STAT2: variants seen among roughly 807,000 people sequenced by gnomAD.
STAT2 encodes the protein interferon alpha induced transcriptional activator.
In STAT2, 51 loss-of-function variants were observed where a neutral mutation model predicts 122.3. That is an observed-to-expected ratio of 0.42 (90% CI 0.33 to 0.53). The LOEUF (loss-of-function observed/expected upper bound fraction) is 0.53, where lower values mean the gene tolerates loss of function less well. Ranked by LOEUF, STAT2 falls within the 20% of genes least tolerant of loss-of-function variation. The pLI is 0.10. For missense variants in STAT2, 736 were observed against 1,010.3 expected, an observed-to-expected ratio of 0.73 and a Z score of 3.68; for synonymous variants, 351 against 394.9, an observed-to-expected ratio of 0.89 and a Z score of 1.32.
chr12:56,354,364 G>T, intron 8 of STAT2, 102 bp downstream of exon 8: 1 of 1,550,462 alleles, frequency 6.4e-7, no homozygotes, highest in Non-Finnish European at 8.8e-7. Flanking sequence ...ATTCTGGGGA[G>T]CAGAGACAAA....
intron 8 of STAT2, among the ~76,000 whole-genome samples, 198 bp from the exon 9 acceptor site, chr12:56,351,648 A>C (rs1422473766): frequency 6.6e-6 from 1 of 152,202 alleles, no homozygotes; most frequent in Non-Finnish European, 1.5e-5. Context: ...ATTTTCACAT[A>C]TAAAACTGCT....
At chr12:56,349,084 C>A (rs1026619926) in intron 16 of STAT2, 25 bp from the exon 17 acceptor site, 1 of 1,613,508 alleles carries the variant, frequency 6.2e-7, no homozygotes, top group African/African-American at 1.3e-5. Flanking sequence ...GCAGTGTAGG[C>A]TGGCTCAGAA....
intron 13 of STAT2, 141 bp downstream of exon 13, chr12:56,349,956 G>A (rs1878183561): frequency 1.3e-6 from 1 of 757,652 alleles, no homozygotes; most frequent in African/African-American, 1.8e-5. Context: ...GGCTGAGACA[G>A]AAGAATTGCT....
intron 11 of STAT2, 69 bp downstream of exon 11, chr12:56,350,760 G>A: frequency 4.5e-6 from 7 of 1,544,090 alleles, no homozygotes; most frequent in Non-Finnish European, 6.3e-6. Context: ...GGGCCCTGTT[G>A]TGAAGAGTGA....
chr12:56,355,375 T>A (rs1879344407), intron 5 of STAT2, 24 bp from the exon 6 acceptor site: 1 of 1,614,048 alleles, frequency 6.2e-7, no homozygotes, highest in Non-Finnish European at 8.5e-7. Context: ...AGGACCCCGA[T>A]GAGGCTGCTT....
chr12:56,349,110 A>C, intron 16 of STAT2, 51 bp from the exon 17 acceptor site: 1 of 1,613,794 alleles, frequency 6.2e-7, no homozygotes, highest in Non-Finnish European at 8.5e-7. Flanking sequence ...CTATCACACC[A>C]AGCTTCCACA....
At chr12:56,344,682 C>T (rs889760444) in intron 22 of STAT2, among the ~76,000 whole-genome samples, 1 of 151,978 alleles carries the variant, frequency 6.6e-6, no homozygotes, top group Admixed American at 6.6e-5. Context: ...ACCAGCCTGG[C>T]CAACATGGTG....
In STAT2 at chr12:56,349,651, G is replaced by C. The variant is rs368976667; in HGVS notation, c.1210-15C>G. On this transcript the variant is annotated splice_polypyrimidine_tract_variant and intron_variant, in intron 13 of 23. Coordinates refer to ENST00000314128, the MANE Select transcript of STAT2 (RefSeq NM_005419.4). ...TCCACCAGAGTCTGTGAATTGAAGGGAAGGAGAGAAAATGCCAGAGTGGGC... is the reference window on the plus strand; with the variant it reads ...TCCACCAGAGTCTGTGAATTGAAGGCAAGGAGAGAAAATGCCAGAGTGGGC... 1.2e-6 allele frequency: 2 copies of C among 1,614,062 alleles called. No individual in the cohort carries two copies. Among genetic ancestry groups the C allele is most frequent in the African/African-American group, 1.3e-5 (1 of 74,924 alleles).
intron 21 of STAT2, 63 bp downstream of exon 21, chr12:56,346,379 G>A (rs1284626779): frequency 1.3e-6 from 2 of 1,595,960 alleles, no homozygotes; most frequent in South Asian, 1.1e-5. Flanking sequence ...AGGAAGGAGT[G>A]GGATCTATGG....
rs1876607579 is a variant in STAT2, at chr12:56,341,611, C to G, written c.*1778G>C. Reference sequence around the variant, plus strand: ...GAGATGAGACATTTCCAGATCAGCACAAAGTTTATTAGCCATTTCTGCTCA... The same window carrying G: ...GAGATGAGACATTTCCAGATCAGCAGAAAGTTTATTAGCCATTTCTGCTCA... On this transcript the variant is annotated 3_prime_UTR_variant, in exon 24 of 24. Transcript: ENST00000314128. 6.6e-6 allele frequency: 1 copy of G among 152,242 alleles called. No individual in the cohort carries two copies. Among genetic ancestry groups the G allele is most frequent in the African/African-American group, 2.4e-5 (1 of 41,452 alleles). The allele number at this position is 152,242 out of a possible 1,614,324, so 9.4% of individuals were successfully genotyped here.
intron 19 of STAT2, among the ~76,000 whole-genome samples, chr12:56,348,084 G>GTTT (rs1592470596): frequency 1.4e-5 from 2 of 141,112 alleles, no homozygotes; most frequent in Admixed American, 7.1e-5. Context: ...GCTATTATTG[G>GTTT]TTGTTTTTTT....
rs1876858706 is a variant in STAT2, at chr12:56,343,412, G to T, written c.2533C>A (p.Pro845Thr). The T allele has an allele frequency of 6.2e-7, 1 of 1,614,144 alleles. No individual in the cohort carries two copies. The highest frequency in any genetic ancestry group is 8.5e-7 in the Non-Finnish European group (1 of 1,179,976). The change falls in exon 24 of 24, where the codon CCC becomes ACC. Residue 845 changes from proline (P) to threonine (T), a missense_variant. Coordinates refer to ENST00000314128, the MANE Select transcript of STAT2 (RefSeq NM_005419.4). ...SRPSHFYTDGPLMPSDF is the reference protein window; with the variant it reads ...SRPSHFYTDGTLMPSDF The stretch of plus-strand genomic sequence containing the variant: ...TCCTAGAAGTCAGAAGGCATCAAGG[G>T]TCCATCAGTGTAGAAGTGGCTGGGG...
At chr12:56,344,744 C>T (rs1445491087) in intron 22 of STAT2, among the ~76,000 whole-genome samples, 3 of 152,124 alleles carry the variant, frequency 2.0e-5, no homozygotes, top group African/African-American at 7.2e-5. Flanking sequence ...CAGAGGCTCA[C>T]GCCTGTAATC....
intron 8 of STAT2, 60 bp from the exon 9 acceptor site, chr12:56,351,510 T>C (rs575674276): frequency 1.3e-6 from 2 of 1,557,936 alleles, no homozygotes; most frequent in Non-Finnish European, 1.7e-6. Context: ...CCCATCCAGG[T>C]TCCAAGATCT....
intron 1 of STAT2, among the ~76,000 whole-genome samples, chr12:56,357,714 T>C (rs867519925): frequency 6.7e-4 from 99 of 148,812 alleles, no homozygotes; most frequent in Middle Eastern, 3.4e-3. Flanking sequence ...TTCTTTCTTT[T>C]TTTTTTTTTT....
At chr12:56,353,923 G>GA (rs1878954216) in intron 8 of STAT2, among the ~76,000 whole-genome samples, 1 of 142,926 alleles carries the variant, frequency 7.0e-6, no homozygotes, top group South Asian at 2.2e-4. Flanking sequence ...TTGAACCTGG[G>GA]AGTTGGAAGT....
Position 56,342,560 on chromosome 12 carries a change from AGCC to A in STAT2, c.*826_*828del, listed in dbSNP as rs1328929606. Reference sequence around the variant, plus strand: ...AGCTGTGATTGCACCATTGCACTCTAGCCTGGGCAACAGAGTGAGACCCTGTTT... The same window carrying A: ...AGCTGTGATTGCACCATTGCACTCTATGGGCAACAGAGTGAGACCCTGTTT... On this transcript the variant is annotated 3_prime_UTR_variant, in exon 24 of 24. Coordinates refer to ENST00000314128, the MANE Select transcript of STAT2 (RefSeq NM_005419.4). The A allele has an allele frequency of 1.3e-5, 2 of 152,330 alleles. No individual in the cohort carries two copies. The highest frequency in any genetic ancestry group is 4.8e-5 in the African/African-American group (2 of 41,426). 9.4% of individuals were successfully genotyped at this position (152,330 alleles called of 1,614,324 possible).
intron 8 of STAT2, among the ~76,000 whole-genome samples, chr12:56,353,093 C>A (rs1410390324): frequency 6.6e-6 from 1 of 151,646 alleles, no homozygotes; most frequent in East Asian, 1.9e-4. Context: ...AAGTGATTTT[C>A]CTGCCTTAGC....
At chr12:56,353,287 T>G (rs1250310640) in intron 8 of STAT2, among the ~76,000 whole-genome samples, 1 of 152,132 alleles carries the variant, frequency 6.6e-6, no homozygotes, top group Non-Finnish European at 1.5e-5. Context: ...CGGACATGCC[T>G]AATTAAAAAA....
Sources: gnomAD v4.1 joint callset for allele counts (sites outside exome capture counted in the v4.1 genomes callset) on GRCh38, gnomAD v4.1.1 for gene constraint, MANE v1.5 for transcripts, NCBI Gene and HGNC (gene_info 2026-07-23, HGNC 2026-07-21) for gene names.